DNAJC21: variants seen among roughly 807,000 people sequenced by gnomAD.
The protein encoded by DNAJC21 is dnaJ homolog subfamily C member 21.
Under a neutral mutation model 72.4 loss-of-function variants are expected in DNAJC21, and 63 were observed. The observed-to-expected ratio is 0.87, with a 90% confidence interval of 0.71 to 1.07. The LOEUF (loss-of-function observed/expected upper bound fraction) is 1.07, where lower values mean the gene tolerates loss of function less well. Ranked by LOEUF, DNAJC21 falls within the 50% of genes least tolerant of loss-of-function variation. DNAJC21 has a pLI of 0.00. For missense variants in DNAJC21, 634 were observed against 644.8 expected (o/e 0.98, Z 0.18); for synonymous variants, 203 against 216.7 (o/e 0.94, Z 0.56).
chr5:34,941,251 G>T, intron 7 of DNAJC21, 68 bp downstream of exon 7: 1 of 1,422,342 alleles, frequency 7.0e-7, no homozygotes, highest in East Asian at 2.4e-5. Context: ...AGGCAGGAGT[G>T]CAGTGGCACA....
rs1470028605 is a variant in DNAJC21, at chr5:34,939,077, T to G, written c.895+68T>G. On this transcript the variant is annotated intron_variant, in intron 6 of 11. Transcript: ENST00000648817. ...TGAAGCTGGAAATCTCCTTGCTTAT[T>G]TGACATCTCCCAATTTTTAAATGTG... The G allele has an allele frequency of 2.2e-6, 3 of 1,362,944 alleles. No individual in the cohort carries two copies. In the African/African-American group the frequency reaches 4.4e-5, roughly 20 times the overall value. 84.4% of individuals were successfully genotyped at this position (1,362,944 alleles called of 1,614,324 possible).
At chr5:34,948,212 G>T (rs1765236419) in intron 9 of DNAJC21, among the ~76,000 whole-genome samples, 1 of 152,192 alleles carries the variant, frequency 6.6e-6, no homozygotes, top group African/African-American at 2.4e-5. Context: ...AAGTAAGTGT[G>T]TGAGCAGTGT....
In DNAJC21 at chr5:34,945,135, T is replaced by G; in HGVS notation, c.1142+110T>G. 2.3e-6 allele frequency: 3 copies of G among 1,332,898 alleles called. No homozygotes were observed. The Admixed American group carries it at 6.6e-5, about 29-fold the overall frequency. 82.6% of individuals were successfully genotyped at this position (1,332,898 alleles called of 1,614,324 possible). On this transcript the variant is annotated intron_variant, in intron 8 of 11. Coordinates refer to ENST00000648817, the MANE Select transcript of DNAJC21 (RefSeq NM_001012339.3). ...CTCTGTTGCCCAGGCTGGGGTGCAG[T>G]GGCGCAGTCTCAGCTCACTGCAACC...
At chr5:34,932,644 A>G (rs570343645) in intron 1 of DNAJC21, among the ~76,000 whole-genome samples, 38 of 152,160 alleles carry the variant, frequency 2.5e-4, no homozygotes, top group Non-Finnish European at 4.6e-4. Context: ...TGGCTTTCTC[A>G]TTGTCTGAAA....
chr5:34,944,848 C>T lies in DNAJC21; in HGVS notation c.984-19C>T, dbSNP rs751845271. On this transcript the variant is annotated intron_variant, in intron 7 of 11. Transcript: ENST00000648817. Reference sequence around the variant, plus strand: ...GAACTAATTTTAGCGCAGCTGCTCACGTCAGATTGCTCTTTCAGCATGAAG... The same window carrying T: ...GAACTAATTTTAGCGCAGCTGCTCATGTCAGATTGCTCTTTCAGCATGAAG... The T allele has an allele frequency of 1.8e-5, 29 of 1,613,820 alleles. No individual in the cohort carries two copies. Among genetic ancestry groups the T allele is most frequent in the East Asian group, 6.7e-5 (3 of 44,900 alleles).
chr5:34,950,481 A>G, intron 10 of DNAJC21, 139 bp downstream of exon 10: 1 of 1,399,490 alleles, frequency 7.1e-7, no homozygotes, highest in Non-Finnish European at 9.3e-7. Flanking sequence ...ATGTATAGAT[A>G]CACACACACA....
At chr5:34,938,420 C>T (rs756735793) in intron 5 of DNAJC21, among the ~76,000 whole-genome samples, 3 of 152,072 alleles carry the variant, frequency 2.0e-5, no homozygotes, top group Non-Finnish European at 2.9e-5. Context: ...GTCAGTGTAC[C>T]CTGAGATACT....
At chr5:34,945,701 T>G in intron 8 of DNAJC21, 60 bp from the exon 9 acceptor site, 1 of 1,480,226 alleles carries the variant, frequency 6.8e-7, no homozygotes. Context: ...ACTTTTTTTT[T>G]TTTCCACTTA....
At chr5:34,951,501 A>G (rs887709662) in intron 10 of DNAJC21, 3 of 984,546 alleles carry the variant, frequency 3.0e-6, no homozygotes, top group African/African-American at 3.5e-5. Context: ...TTTTTCATCT[A>G]AAACTAAAAT....
intron 10 of DNAJC21, chr5:34,951,902 G>A: frequency 1.0e-6 from 1 of 985,466 alleles, no homozygotes; most frequent in Non-Finnish European, 1.2e-6. Flanking sequence ...ATATAGTTCA[G>A]CTCTCTAATT....
At position 34,937,404 on chromosome 5, in the gene DNAJC21, C is replaced by G. The variant is rs150576702; in HGVS notation, c.517C>G (p.Arg173Gly). Reference protein sequence around the residue: ...NFAWKEEYDTRQASNRWEKRA... With the variant: ...NFAWKEEYDTGQASNRWEKRA... ...TGCATGGAAGGAAGAATATGATACA[C>G]GACAGGCTTCAAACCGCTGGGAAAA... is the stretch of plus-strand genomic sequence containing the variant. The change falls in exon 5 of 12, where the codon CGA (arginine) becomes GGA (glycine). Residue 173 changes from arginine to glycine, a missense_variant. By Grantham distance (125) the Arg-to-Gly change is moderately radical. Coordinates refer to ENST00000648817, the MANE Select transcript of DNAJC21 (RefSeq NM_001012339.3). 6.2e-7 allele frequency: 1 copy of G among 1,614,026 alleles called. No homozygotes were observed. The highest frequency in any genetic ancestry group is 8.5e-7 in the Non-Finnish European group (1 of 1,180,024).
At position 34,944,785 on chromosome 5, in the gene DNAJC21, C is replaced by T. The variant is rs1189204569; in HGVS notation, c.984-82C>T. 4 of 1,553,436 alleles carry T rather than the reference C, an allele frequency of 2.6e-6. No homozygotes were observed. In the East Asian group the frequency reaches 6.9e-5, roughly 27 times the overall value. ...TTAGTGGGAAAAAAGCTAATTTTAT[C>T]TTGGTTGCAGTTATCCAGCAACATT... On this transcript the variant is annotated intron_variant, in intron 7 of 11. Coordinates refer to ENST00000648817, the MANE Select transcript of DNAJC21 (RefSeq NM_001012339.3).
intron 9 of DNAJC21, chr5:34,949,604 AGT>A (rs1416617728): frequency 6.3e-7 from 1 of 1,593,402 alleles, no homozygotes; most frequent in Non-Finnish European, 8.6e-7. Context: ...TGGGGAAAAA[AGT>A]GTGTGTTGGG....
intron 7 of DNAJC21, among the ~76,000 whole-genome samples, chr5:34,944,464 G>C (rs1765105166): frequency 6.6e-6 from 1 of 152,122 alleles, no homozygotes; most frequent in East Asian, 1.9e-4. Context: ...CAAATACTTA[G>C]TGATTAAAAG....
chr5:34,930,830 C>G (rs139119796), intron 1 of DNAJC21, among the ~76,000 whole-genome samples: 283 of 152,322 alleles, frequency 1.9e-3, no homozygotes, highest in African/African-American at 6.5e-3. Context: ...AAACAACTTT[C>G]TGCCTTACAC....
At chr5:34,945,699 T>C in intron 8 of DNAJC21, 62 bp from the exon 9 acceptor site, 1 of 1,467,368 alleles carries the variant, frequency 6.8e-7, no homozygotes. Flanking sequence ...CAACTTTTTT[T>C]TTTTTCCACT....
In DNAJC21 at chr5:34,937,626, G is replaced by T; in HGVS notation, c.739G>T (p.Ala247Ser). 2.5e-6 allele frequency: 4 copies of T among 1,611,196 alleles called. No homozygotes were observed. Among genetic ancestry groups the T allele is most frequent in the Non-Finnish European group, 2.5e-6 (3 of 1,178,358 alleles). Residue 247 changes from alanine to serine, a missense_variant, in exon 5 of 12, where the codon GCC becomes TCC. By Grantham distance (99) the Ala-to-Ser change is moderately conservative. Coordinates refer to ENST00000648817, the MANE Select transcript of DNAJC21 (RefSeq NM_001012339.3). ...GAGGCGGCAGCAGAAGCTAAAGCAG[G>T]CCAAGTGCGTAGCGTGCGTGGGGCC... Reference protein sequence around the residue: ...EMRRQQKLKQAKLVEQYREQS... With the variant: ...EMRRQQKLKQSKLVEQYREQS...
intron 11 of DNAJC21, chr5:34,954,289 T>C: frequency 2.1e-6 from 1 of 476,988 alleles, no homozygotes; most frequent in Non-Finnish European, 3.6e-6. Flanking sequence ...TGGAGATTAA[T>C]TGTGAAGCAT....
At chr5:34,946,493 T>C (rs1580536452) in intron 9 of DNAJC21, among the ~76,000 whole-genome samples, 1 of 152,266 alleles carries the variant, frequency 6.6e-6, no homozygotes, top group Middle Eastern at 3.4e-3. Flanking sequence ...TTAATGCTTT[T>C]TAATAAAACT....
Sources: allele counts gnomAD v4.1 joint callset (sites outside exome capture counted in the v4.1 genomes callset), GRCh38; gene constraint gnomAD v4.1.1; transcripts MANE v1.5; gene names NCBI Gene and HGNC (gene_info 2026-07-23, HGNC 2026-07-21).